Variants in CRB2 observed in about 807,000 individuals in gnomAD.
CRB2 encodes the protein protein crumbs homolog 2.
Under a neutral mutation model 110.9 loss-of-function variants are expected in CRB2, and 85 were observed. The ratio of observed to expected loss-of-function variants is 0.77; its 90% CI spans 0.64 to 0.92. The LOEUF (loss-of-function observed/expected upper bound fraction) is 0.92. CRB2 is among the 40% of genes least tolerant of loss of function. The pLI is 0.00. For synonymous variants in CRB2, 907 were observed against 831.0 expected, an observed-to-expected ratio of 1.09 and a Z score of -1.57; for missense variants, 1,843 against 1,851.3, an observed-to-expected ratio of 1.00 and a Z score of 0.08.
intron 6 of CRB2, among the ~76,000 whole-genome samples, chr9:123,369,811 C>G (rs554866621): frequency 6.6e-6 from 1 of 151,880 alleles, no homozygotes; most frequent in South Asian, 2.1e-4. Context: ...CTGGGGGATG[C>G]GGGATGGTAG....
Position 123,372,335 on chromosome 9 carries a change from C to A in CRB2, c.2595C>A (p.Gly865=). Reference sequence around the variant, plus strand: ...CCACGTGTGAGGAGGTCCCTGATGGCTTTGTGTGTGAGTGTGTGTCCTGGG... The same window carrying A: ...CCACGTGTGAGGAGGTCCCTGATGGATTTGTGTGTGAGTGTGTGTCCTGGG... ...PPATCEEVPD[G]FVCVAEATFR... is the part of the protein sequence containing the mutation. Residue 865 remains glycine (G), a synonymous_variant, in exon 9 of 13, where the codon GGC becomes GGA. Transcript: ENST00000373631. The A allele has an allele frequency of 1.3e-6, 2 of 1,596,054 alleles. No homozygotes were observed. Among genetic ancestry groups the A allele is most frequent in the Non-Finnish European group, 1.7e-6 (2 of 1,170,744 alleles).
chr9:123,359,081 C>T (rs566187124), intron 1 of CRB2, among the ~76,000 whole-genome samples: 5 of 152,270 alleles, frequency 3.3e-5, no homozygotes, highest in East Asian at 3.9e-4. Flanking sequence ...GTAGGTGCTC[C>T]GTCCCTGACA....
intron 12 of CRB2, among the ~76,000 whole-genome samples, chr9:123,376,176 T>G (rs573536562): frequency 9.9e-5 from 15 of 152,274 alleles, no homozygotes; most frequent in African/African-American, 3.4e-4. Context: ...AGAGGAACTT[T>G]CCTGTCAAGT....
chr9:123,365,781 C>G lies in CRB2; in HGVS notation c.419-136C>G, dbSNP rs1009624179. 5.6e-5 allele frequency: 46 copies of G among 815,020 alleles called. 1 individual carries two copies. The highest frequency in any genetic ancestry group is 1.1e-4 in the Admixed American group (3 of 28,088). The allele number at this position is 815,020 out of a possible 1,614,324, so 50.5% of individuals were successfully genotyped here. ...GCTGGCATGACCCGTCCCCCACCCCCCAACCACCACCACCACCATCCGGCT... is the reference window on the plus strand; with the variant it reads ...GCTGGCATGACCCGTCCCCCACCCCGCAACCACCACCACCACCATCCGGCT... On this transcript the variant is annotated intron_variant, in intron 2 of 12. Coordinates refer to ENST00000373631, the MANE Select transcript of CRB2 (RefSeq NM_173689.7).
In CRB2 at chr9:123,356,730, G is replaced by A. The variant is rs1307862251; in HGVS notation, c.94+376G>A. Among the ~76,000 whole-genome samples, 4 of 152,086 alleles carry A rather than the reference G, an allele frequency of 2.6e-5. No individual in the cohort carries two copies. In the South Asian group the frequency reaches 8.3e-4, roughly 32 times the overall value. Reference sequence around the variant, plus strand: ...TTCTAGGGGCTGAGTTTGGGGAGTTGCAGGTGGCATAAGCCTCACCCCAGA... The same window carrying A: ...TTCTAGGGGCTGAGTTTGGGGAGTTACAGGTGGCATAAGCCTCACCCCAGA... On this transcript the variant is annotated intron_variant, in intron 1 of 12. Transcript: ENST00000373631.
intron 10 of CRB2, 23 bp from the exon 11 acceptor site, chr9:123,374,556 T>G: frequency 6.3e-7 from 1 of 1,583,324 alleles, no homozygotes; most frequent in Non-Finnish European, 8.7e-7. Flanking sequence ...CTGCACCCAC[T>G]CCAGCCTCTG....
intron 1 of CRB2, among the ~76,000 whole-genome samples, chr9:123,359,436 GTTTTGTTTTTTTTTT>G (rs2041837910): frequency 1.6e-5 from 1 of 62,422 alleles, no homozygotes; most frequent in Non-Finnish European, 3.2e-5. Flanking sequence ...TTTCGTTTTT[GTTTTGTTTTTTTTTT>G]TTTTTTTTTT....
chr9:123,373,231 T>A lies in CRB2; in HGVS notation c.2700T>A (p.Phe900Leu), dbSNP rs1230531697. 1 of 1,506,638 alleles carries A rather than the reference T, an allele frequency of 6.6e-7. No homozygotes were observed. The highest frequency in any genetic ancestry group is 8.8e-7 in the Non-Finnish European group (1 of 1,135,016). The allele number at this position is 1,506,638 out of a possible 1,614,324, so 93.3% of individuals were successfully genotyped here. A position where few individuals can be genotyped will look rare whatever the true frequency, so the allele number is the denominator to read the frequency against. ...TGCTCGGCGGCCTGTCGCTGGCCTT[T>A]CGCACGCGCGACTCCGAGGCCTGGC... ...GRLLGGLSLA[F>L]RTRDSEAWLL... The change falls in exon 10 of 13, where the codon TTT becomes TTA. Residue 900 changes from phenylalanine (F) to leucine (L), a missense_variant. Physicochemically the swap from Phe to Leu is conservative, Grantham distance 22. Coordinates refer to ENST00000373631, the MANE Select transcript of CRB2 (RefSeq NM_173689.7).
chr9:123,371,286 T>C lies in CRB2; in HGVS notation c.2144T>C (p.Val715Ala), dbSNP rs760505398. 6.2e-7 allele frequency: 1 copy of C among 1,613,712 alleles called. No individual in the cohort carries two copies. The highest frequency in any genetic ancestry group is 1.1e-5 in the South Asian group (1 of 91,058). Residue 715 changes from valine (V) to alanine (A), a missense_variant, in exon 8 of 13, where the codon GTA becomes GCA. Val to Ala is a moderately conservative substitution (Grantham distance 64, BLOSUM62 0). Transcript: ENST00000373631. ...IRAEVPGSPA[V>A]VLPGRWDDGL... ...GCTGAGGTGCCGGGCAGTCCTGCTGTAGTGCTCCCTGGGCGCTGGGATGAT... is the reference window on the plus strand; with the variant it reads ...GCTGAGGTGCCGGGCAGTCCTGCTGCAGTGCTCCCTGGGCGCTGGGATGAT...
downstream of CRB2, chr9:123,379,954 C>A (rs1048616): frequency 0.12 from 17,764 of 152,356 alleles, 1,286 homozygotes; most frequent in East Asian, 0.28. Context: ...GCTCCCCCAG[C>A]AGCCAGAGCC....
intron 2 of CRB2, among the ~76,000 whole-genome samples, chr9:123,365,463 C>T (rs1207028945): frequency 1.3e-5 from 2 of 152,146 alleles, no homozygotes; most frequent in Non-Finnish European, 2.9e-5. Flanking sequence ...GCATCATGGC[C>T]CTGCCCCTAG....
Position 123,366,293 on chromosome 9 carries a change from C to A in CRB2, c.681C>A (p.Cys227Ter). Residue 227 changes from cysteine to a stop codon, truncating the protein, a stop_gained, in exon 4 of 13, where the codon TGC becomes TGA. Coordinates refer to ENST00000373631, the MANE Select transcript of CRB2 (RefSeq NM_173689.7). LOFTEE classifies it high-confidence loss of function. Reference sequence around the variant, plus strand: ...ACTGCGAGCGGGAGGTGCTGGAGTGCGCATCGGCGCCCTGCGAGCACAACG... The same window carrying A: ...ACTGCGAGCGGGAGGTGCTGGAGTGAGCATCGGCGCCCTGCGAGCACAACG... ...GTHCEREVLECASAPCEHNAS... is the reference protein window; with the variant it reads ...GTHCEREVLE The A allele has an allele frequency of 6.6e-7, 1 of 1,519,884 alleles. No individual in the cohort carries two copies. Among genetic ancestry groups the A allele is most frequent in the East Asian group, 2.7e-5 (1 of 37,524 alleles). The allele number at this position is 1,519,884 out of a possible 1,614,324, so 94.1% of individuals were successfully genotyped here.
rs764706832 is a variant in CRB2, at chr9:123,373,609, G to T, written c.3078G>T (p.Leu1026Phe). The change falls in exon 10 of 13, where the codon TTG (leucine) becomes TTT (phenylalanine). Residue 1026 changes from leucine to phenylalanine, a missense_variant. Leu to Phe is a conservative substitution (Grantham distance 22). Transcript: ENST00000373631. ...CGCTGGGCGGCCTGCCCCTGCCCTT[G>T]GCGCGGCCCCGGCCCGGCGCGGCCC... ...RVALGGLPLP[L>F]ARPRPGAAPG... The T allele has an allele frequency of 1.5e-5, 21 of 1,368,740 alleles. No individual in the cohort carries two copies. The highest frequency in any genetic ancestry group is 2.0e-5 in the Non-Finnish European group (21 of 1,067,508). 84.8% of individuals were successfully genotyped at this position (1,368,740 alleles called of 1,614,324 possible).
At position 123,370,188 on chromosome 9, in the gene CRB2, G is replaced by A. The variant is rs2041992696; in HGVS notation, c.1135G>A (p.Gly379Ser). ...HGGTCSDTVAGYICRCPETWG... is the reference protein window; with the variant it reads ...HGGTCSDTVASYICRCPETWG... ...CGGAACCTGCAGTGACACTGTGGCAGGCTATATCTGCAGGTGCCCAGAGAC... is the reference window on the plus strand; with the variant it reads ...CGGAACCTGCAGTGACACTGTGGCAAGCTATATCTGCAGGTGCCCAGAGAC... The change falls in exon 7 of 13, where the codon GGC (glycine) becomes AGC (serine). Residue 379 changes from glycine to serine, a missense_variant. By Grantham distance (56) the Gly-to-Ser change is moderately conservative. Coordinates refer to ENST00000373631, the MANE Select transcript of CRB2 (RefSeq NM_173689.7). 6 of 1,612,950 alleles carry A rather than the reference G, an allele frequency of 3.7e-6. No individual in the cohort carries two copies. The highest frequency in any genetic ancestry group is 4.2e-6 in the Non-Finnish European group (5 of 1,179,798).
At chr9:123,366,514 G>A in intron 4 of CRB2, 148 bp downstream of exon 4, 1 of 1,048,964 alleles carries the variant, frequency 9.5e-7, no homozygotes, top group Non-Finnish European at 1.3e-6. Flanking sequence ...ACCTGTCGGA[G>A]CCTCAGTTTC....
rs2042055927 is a variant in CRB2 at position 123,373,699 on chromosome 9, C to T, written c.3168C>T (p.Gly1056=). 3.4e-6 allele frequency: 5 copies of T among 1,492,190 alleles called. No homozygotes were observed. The highest frequency in any genetic ancestry group is 2.3e-5 in the Admixed American group (1 of 42,748). 92.4% of individuals were successfully genotyped at this position (1,492,190 alleles called of 1,614,324 possible). A position where few individuals can be genotyped will look rare whatever the true frequency, so the allele number is the denominator to read the frequency against. Residue 1056 remains glycine (G), a synonymous_variant, in exon 10 of 13, where the codon GGC becomes GGT. Transcript: ENST00000373631. ...CGGCCCCGATCCTCGGCTGCCGCGGCGCGCCCGTGTGTGCGCCCTCGCCCT... is the reference window on the plus strand; with the variant it reads ...CGGCCCCGATCCTCGGCTGCCGCGGTGCGCCCGTGTGTGCGCCCTCGCCCT... The part of the protein sequence containing the change: ...GTPAPILGCR[G]APVCAPSPCL...
chr9:123,373,162 T>TC lies in CRB2; in HGVS notation c.2637dup (p.Ala880ArgfsTer113). The TC allele has an allele frequency of 4.6e-6, 7 of 1,512,368 alleles. No individual in the cohort carries two copies. Among genetic ancestry groups the TC allele is most frequent in the African/African-American group, 1.4e-5 (1 of 69,924 alleles). The allele number at this position is 1,512,368 out of a possible 1,614,324, so 93.7% of individuals were successfully genotyped here. A position where few individuals can be genotyped will look rare whatever the true frequency, so the allele number is the denominator to read the frequency against. On this transcript the variant is annotated frameshift_variant, in exon 10 of 13. Transcript: ENST00000373631. LOFTEE classifies it high-confidence loss of function. ...TGGCGGAGGCCACGTTCCGCGAGGG[T>TC]CCCCCCGCCGCGTTCAGCGGGCACA...
chr9:123,370,042 G>C (rs1277344170), intron 6 of CRB2, 66 bp from the exon 7 acceptor site: 2 of 1,511,758 alleles, frequency 1.3e-6, no homozygotes, highest in Non-Finnish European at 1.8e-6. Context: ...AGGCATGTAA[G>C]TTCTGGGTCA....
At chr9:123,361,088 C>T (rs1327957015) in intron 1 of CRB2, among the ~76,000 whole-genome samples, 1 of 150,898 alleles carries the variant, frequency 6.6e-6, no homozygotes, top group African/African-American at 2.5e-5. Flanking sequence ...CCAGCGTGGT[C>T]CCAGCTGCTC....
Sources: allele counts gnomAD v4.1 joint callset (sites outside exome capture counted in the v4.1 genomes callset), GRCh38; gene constraint gnomAD v4.1.1; transcripts MANE v1.5; gene names NCBI Gene and HGNC (gene_info 2026-07-23, HGNC 2026-07-21).